ZNF37A: variants seen among roughly 807,000 people sequenced by gnomAD.
ZNF37A encodes zinc finger protein 37A, also known as zinc finger protein 37a (KOX 21).
ZNF37A carries 10 observed loss-of-function variants against 12.3 expected under a neutral mutation model. That is an observed-to-expected ratio of 0.82 (90% CI 0.50 to 1.38). ZNF37A has a LOEUF of 1.38. Ranked by LOEUF, ZNF37A falls within the 40% of genes most tolerant of loss-of-function variation. The pLI, the probability that ZNF37A is intolerant of heterozygous loss-of-function variation, is 0.00. For synonymous variants in ZNF37A, 207 were observed against 223.0 expected, an observed-to-expected ratio of 0.93 and a Z score of 0.64; for missense variants, 580 against 651.2, an observed-to-expected ratio of 0.89 and a Z score of 1.19.
chr10:38,135,187 C>T (rs1188531058), intron 7 of ZNF37A, among the ~76,000 whole-genome samples: 2 of 152,140 alleles, frequency 1.3e-5, no homozygotes, highest in Non-Finnish European at 2.9e-5. Context: ...GAGATTGAGA[C>T]CATCTTGGCC....
chr10:38,097,207 A>C (rs1207472515), intron 5 of ZNF37A, among the ~76,000 whole-genome samples: 1 of 152,212 alleles, frequency 6.6e-6, no homozygotes, highest in African/African-American at 2.4e-5. Context: ...TTACATGAAA[A>C]AGTAGTACAA....
At chr10:38,148,843 T>C (rs1383104639) in exon 8 of ZNF37A, 2 of 33,248 alleles carry the variant, frequency 6.0e-5, no homozygotes. Flanking sequence ...TTTAATATTC[T>C]TTTTTTTTTT....
At chr10:38,131,155 T>C (rs1246837399) in intron 7 of ZNF37A, among the ~76,000 whole-genome samples, 2 of 152,144 alleles carry the variant, frequency 1.3e-5, no homozygotes, top group Non-Finnish European at 1.5e-5. Flanking sequence ...ATTCAGTAGG[T>C]TGTTGCTTTG....
At chr10:38,108,555 G>A (rs2068344534) in intron 5 of ZNF37A, among the ~76,000 whole-genome samples, 1 of 152,086 alleles carries the variant, frequency 6.6e-6, no homozygotes, top group African/African-American at 2.4e-5. Context: ...TCCAGGAGCT[G>A]GTTTTTTGAA....
Position 38,118,594 on chromosome 10 carries a change from C to T in ZNF37A, c.1443C>T (p.Ala481=), listed in dbSNP as rs765675971. Residue 481 remains alanine, a synonymous_variant, in exon 8 of 8, where the codon GCC becomes GCT. Coordinates refer to ENST00000685332, the MANE Select transcript of ZNF37A (RefSeq NM_001324250.3). ...ECGKTFRQKS[A]LIVHQRTHIR... ...GGAAAACCTTCCGTCAGAAGTCAGCCCTAATTGTTCACCAGAGAACTCATA... is the reference window on the plus strand; with the variant it reads ...GGAAAACCTTCCGTCAGAAGTCAGCTCTAATTGTTCACCAGAGAACTCATA... The T allele has an allele frequency of 1.7e-4, 265 of 1,604,818 alleles. No individual in the cohort carries two copies. Among genetic ancestry groups the T allele is most frequent in the Non-Finnish European group, 2.7e-5 (32 of 1,174,608 alleles).
intron 4 of ZNF37A, 100 bp from the exon 5 acceptor site, chr10:38,096,474 A>G: frequency 1.3e-6 from 1 of 741,754 alleles, no homozygotes; most frequent in Non-Finnish European, 2.3e-6. Flanking sequence ...AGAGTCATGC[A>G]TGGGCGTGTG....
chr10:38,119,226 G>T lies in ZNF37A; in HGVS notation c.*389G>T, dbSNP rs2069541075. ...AGACACACTTGGAGAAACCTTTTGG[G>T]TGTAATGAATGTGGGAAAACCTTTC... On this transcript the variant is annotated 3_prime_UTR_variant, in exon 8 of 8. Coordinates refer to ENST00000685332, the MANE Select transcript of ZNF37A (RefSeq NM_001324250.3). The T allele has an allele frequency of 1.9e-6, 2 of 1,025,726 alleles. No individual in the cohort carries two copies. Among genetic ancestry groups the T allele is most frequent in the Non-Finnish European group, 2.4e-6 (2 of 844,494 alleles). 63.5% of individuals were successfully genotyped at this position (1,025,726 alleles called of 1,614,324 possible). A position where few individuals can be genotyped will look rare whatever the true frequency, so the allele number is the denominator to read the frequency against.
intron 5 of ZNF37A, among the ~76,000 whole-genome samples, chr10:38,114,190 C>T (rs2069049973): frequency 6.6e-6 from 1 of 152,226 alleles, no homozygotes; most frequent in African/African-American, 2.4e-5. Context: ...ACCTTTACCT[C>T]ATCACAGGTA....
At chr10:38,113,601 A>AT (rs1408490818) in intron 5 of ZNF37A, among the ~76,000 whole-genome samples, 3 of 152,088 alleles carry the variant, frequency 2.0e-5, no homozygotes, top group African/African-American at 7.2e-5. Context: ...CCTGGTTCTA[A>AT]TTTCCAGACG....
At chr10:38,102,896 GT>G (rs1185676302) in intron 5 of ZNF37A, among the ~76,000 whole-genome samples, 1 of 151,974 alleles carries the variant, frequency 6.6e-6, no homozygotes, top group Non-Finnish European at 1.5e-5. Flanking sequence ...GGCCTTCATG[GT>G]TTCTAATGAA....
chr10:38,115,066 A>T (rs1486676092), intron 6 of ZNF37A, 129 bp from the exon 7 acceptor site: 1 of 619,616 alleles, frequency 1.6e-6, no homozygotes, highest in Non-Finnish European at 2.5e-6. Flanking sequence ...GATTAAATGA[A>T]GTGTGTGTGT....
Position 38,117,452 on chromosome 10 carries a change from A to G in ZNF37A, c.301A>G (p.Lys101Glu). Residue 101 changes from lysine to glutamate, a missense_variant, in exon 8 of 8, where the codon AAA becomes GAA. By Grantham distance (56) the Lys-to-Glu change is moderately conservative. Transcript: ENST00000685332. Reference protein sequence around the residue: ...MKFNEFNKGGKCFCDEKHEII... With the variant: ...MKFNEFNKGGECFCDEKHEII... Reference sequence around the variant, plus strand: ...GTTCAATGAGTTTAACAAAGGTGGAAAATGTTTCTGTGATGAAAAGCATGA... The same window carrying G: ...GTTCAATGAGTTTAACAAAGGTGGAGAATGTTTCTGTGATGAAAAGCATGA... 1 of 1,604,226 alleles carries G rather than the reference A, an allele frequency of 6.2e-7. No homozygotes were observed. The highest frequency in any genetic ancestry group is 8.5e-7 in the Non-Finnish European group (1 of 1,177,510).
intron 5 of ZNF37A, among the ~76,000 whole-genome samples, chr10:38,099,044 GT>G (rs2067360185): frequency 6.6e-6 from 1 of 152,152 alleles, no homozygotes; most frequent in Non-Finnish European, 1.5e-5. Context: ...ATTTGGGTGT[GT>G]GTATTTATTT....
intron 5 of ZNF37A, among the ~76,000 whole-genome samples, chr10:38,110,823 C>T (rs2068584837): frequency 6.6e-6 from 1 of 152,072 alleles, no homozygotes; most frequent in Admixed American, 6.6e-5. Flanking sequence ...ATTAAAAAGT[C>T]AGGAAACAAC....
chr10:38,109,774 A>G (rs1420537857), intron 5 of ZNF37A, among the ~76,000 whole-genome samples: 1 of 152,200 alleles, frequency 6.6e-6, no homozygotes, highest in East Asian at 1.9e-4. Context: ...ACCTAGGAAT[A>G]CAAGTTACAC....
intron 5 of ZNF37A, among the ~76,000 whole-genome samples, chr10:38,100,565 G>A (rs1192765575): frequency 6.6e-6 from 1 of 152,160 alleles, no homozygotes; most frequent in African/African-American, 2.4e-5. Flanking sequence ...AGAGAAATAT[G>A]GCTCTGTTCC....
downstream of ZNF37A, among the ~76,000 whole-genome samples, chr10:38,129,896 A>G (rs1281548807): frequency 2.6e-5 from 4 of 152,262 alleles, no homozygotes; most frequent in Admixed American, 6.5e-5. Context: ...CACATAAACA[A>G]TATCATTTAA....
chr10:38,116,828 G>T lies in ZNF37A; in HGVS notation c.239-562G>T, dbSNP rs148951278. ...GAATCAGAGCTAGAAAAACAATTGA[G>T]CCAGGTGCAGTGGCTCATGCCTGTA... On this transcript the variant is annotated intron_variant, in intron 7 of 7. Coordinates refer to ENST00000685332, the MANE Select transcript of ZNF37A (RefSeq NM_001324250.3). 1.7e-3 allele frequency among the ~76,000 whole-genome samples: 252 copies of T among 152,290 alleles called. 2 individuals are homozygous for T. Among genetic ancestry groups the T allele is most frequent in the Middle Eastern group, 0.014 (4 of 294 alleles).
At chr10:38,141,873 G>C (rs542078559) in intron 7 of ZNF37A, 1 of 152,202 alleles carries the variant, frequency 6.6e-6, no homozygotes, top group African/African-American at 2.4e-5. Context: ...ACTTTGGGAG[G>C]TGGAGGTGGG....
Sources: allele counts gnomAD v4.1 joint callset (sites outside exome capture counted in the v4.1 genomes callset), GRCh38; gene constraint gnomAD v4.1.1; transcripts MANE v1.5; gene names NCBI Gene and HGNC (gene_info 2026-07-23, HGNC 2026-07-21).